The following EPHA4 variants were observed in gnomAD, a reference collection of about 807,000 sequenced individuals.
EPHA4 encodes EPH receptor A4, also known as ephrin type-A receptor 4.
A neutral mutation model predicts 108.3 loss-of-function variants in EPHA4; 19 were observed. The observed-to-expected ratio is 0.18, with a 90% CI of 0.12 to 0.26. EPHA4 has a LOEUF of 0.26. EPHA4 is among the 10% of genes least tolerant of loss of function. The pLI is 1.00. For synonymous variants in EPHA4, 449 were observed against 455.5 expected, an observed-to-expected ratio of 0.99 and a Z score of 0.18; for missense variants, 917 against 1,254.0, an observed-to-expected ratio of 0.73 and a Z score of 4.06.
intron 8 of EPHA4, among the ~76,000 whole-genome samples, chr2:221,448,222 A>T (rs990594645): frequency 7.1e-6 from 1 of 141,134 alleles, no homozygotes; most frequent in Non-Finnish European, 1.5e-5. Flanking sequence ...TTCCCTGTAG[A>T]TGAGGACATG....
At chr2:221,514,533 G>A (rs1692933760) in intron 3 of EPHA4, among the ~76,000 whole-genome samples, 1 of 152,180 alleles carries the variant, frequency 6.6e-6, no homozygotes, top group African/African-American at 2.4e-5. Context: ...GAAGCCAAAA[G>A]TGCTTGCAGG....
chr2:221,437,904 C>A (rs1156262041), intron 11 of EPHA4, among the ~76,000 whole-genome samples: 1 of 151,460 alleles, frequency 6.6e-6, no homozygotes, highest in African/African-American at 2.4e-5. Context: ...GCCTGGGGGG[C>A]GACGATACAG....
At chr2:221,469,111 G>A (rs1299702301) in intron 5 of EPHA4, among the ~76,000 whole-genome samples, 3 of 152,208 alleles carry the variant, frequency 2.0e-5, no homozygotes, top group South Asian at 4.1e-4. Context: ...ATGAAGTGAG[G>A]TATATTAATC....
intron 7 of EPHA4, among the ~76,000 whole-genome samples, chr2:221,456,038 T>C (rs1271957949): frequency 2.0e-5 from 3 of 152,320 alleles, no homozygotes; most frequent in South Asian, 4.1e-4. Flanking sequence ...TTGGGTTCAT[T>C]GATTACCGGG....
chr2:221,554,461 G>A (rs1181915714), intron 3 of EPHA4, among the ~76,000 whole-genome samples: 2 of 152,176 alleles, frequency 1.3e-5, no homozygotes, highest in East Asian at 3.8e-4. Context: ...AGAAGATAGT[G>A]CTGGTTTCAA....
At chr2:221,533,623 T>C (rs1030772372) in intron 3 of EPHA4, among the ~76,000 whole-genome samples, 9 of 151,188 alleles carry the variant, frequency 6.0e-5, no homozygotes, top group African/African-American at 2.2e-4. Context: ...TCTATGGAGT[T>C]TCAAAACATA....
intron 5 of EPHA4, among the ~76,000 whole-genome samples, chr2:221,476,803 G>A (rs1691665726): frequency 6.6e-6 from 1 of 152,082 alleles, no homozygotes; most frequent in African/African-American, 2.4e-5. Flanking sequence ...CTAATTAAAA[G>A]ATGGCAGAGA....
intron 7 of EPHA4, 39 bp from the exon 8 acceptor site, chr2:221,455,697 G>A: frequency 6.7e-7 from 1 of 1,501,268 alleles, no homozygotes; most frequent in Non-Finnish European, 9.2e-7. Flanking sequence ...CTTTGGGAAA[G>A]TCTTAGGAGG....
intron 3 of EPHA4, among the ~76,000 whole-genome samples, chr2:221,541,848 G>A (rs2710497): frequency 0.56 from 85,683 of 151,974 alleles, 24,873 homozygotes; most frequent in African/African-American, 0.7. Flanking sequence ...GCACCCAGAC[G>A]TTACCAAATG....
chr2:221,512,930 T>A (rs911679013), intron 3 of EPHA4, among the ~76,000 whole-genome samples: 26 of 152,180 alleles, frequency 1.7e-4, no homozygotes, highest in African/African-American at 6.0e-4. Flanking sequence ...GAGTGATCTC[T>A]GGCAGAGGTG....
intron 4 of EPHA4, among the ~76,000 whole-genome samples, chr2:221,494,942 C>A (rs1304869531): frequency 7.0e-6 from 1 of 143,862 alleles, no homozygotes; most frequent in African/African-American, 2.6e-5. Context: ...ATCCTGACAT[C>A]AGCTTTAATG....
At chr2:221,555,379 A>G (rs995853347) in intron 3 of EPHA4, among the ~76,000 whole-genome samples, 2 of 152,216 alleles carry the variant, frequency 1.3e-5, no homozygotes, top group African/African-American at 4.8e-5. Context: ...GCTGTTTTGC[A>G]TGAGGACGAA....
At chr2:221,449,060 T>A (rs1690686330) in intron 8 of EPHA4, among the ~76,000 whole-genome samples, 1 of 152,216 alleles carries the variant, frequency 6.6e-6, no homozygotes, top group South Asian at 2.1e-4. Context: ...GGTGTGTTTT[T>A]AAATGAGATT....
chr2:221,457,833 A>G (rs557557907), intron 6 of EPHA4, 33 bp downstream of exon 6: 121 of 1,600,678 alleles, frequency 7.6e-5, no homozygotes, highest in Admixed American at 1.0e-4. Flanking sequence ...AGGAAGGAAG[A>G]AAGGAAAGGA....
chr2:221,532,701 C>G (rs1041027581), intron 3 of EPHA4: 4 of 152,214 alleles, frequency 2.6e-5, no homozygotes, highest in Admixed American at 6.5e-5. Context: ...CATTCTGCCA[C>G]CTGGGCACCT....
At position 221,418,911 on chromosome 2, in the gene EPHA4, T is replaced by G. The variant is rs1014556889; in HGVS notation, c.*2461A>C. 2 of 152,578 alleles carry G rather than the reference T, an allele frequency of 1.3e-5. No homozygotes were observed. 9.5% of individuals were successfully genotyped at this position (152,578 alleles called of 1,614,324 possible). On this transcript the variant is annotated 3_prime_UTR_variant, in exon 18 of 18. Coordinates refer to ENST00000281821, the MANE Select transcript of EPHA4 (RefSeq NM_004438.5). ...ATGCATAGGCACATCCCTTAAAAAA[T>G]ATATTAAGGTCCCCAAAAAGGGGTG...
intron 4 of EPHA4, among the ~76,000 whole-genome samples, chr2:221,488,828 T>A (rs577508840): frequency 6.6e-6 from 1 of 152,320 alleles, no homozygotes; most frequent in South Asian, 2.1e-4. Flanking sequence ...ATACTGTCAA[T>A]GTGACATTTA....
intron 7 of EPHA4, 117 bp downstream of exon 7, chr2:221,456,496 G>A: frequency 2.0e-6 from 2 of 1,007,536 alleles, no homozygotes; most frequent in Non-Finnish European, 2.9e-6. Flanking sequence ...ATTCATTGCA[G>A]CAAAATGTCT....
Position 221,504,195 on chromosome 2 carries a change from T to A in EPHA4, c.824-3023A>T, listed in dbSNP as rs143327055. Among the ~76,000 whole-genome samples, 31 of 152,340 alleles carry A rather than the reference T, an allele frequency of 2.0e-4. No homozygotes were observed. The East Asian group carries it at 6.0e-3, about 29-fold the overall frequency. On this transcript the variant is annotated intron_variant, in intron 3 of 17. Transcript: ENST00000281821. ...CCTATTTCCACCGAAGTTTCACTAG[T>A]TAATGAACCATCTGAATGGGTGTCT...
Sources: allele counts gnomAD v4.1 joint callset (sites outside exome capture counted in the v4.1 genomes callset), GRCh38; gene constraint gnomAD v4.1.1; transcripts MANE v1.5; gene names NCBI Gene and HGNC (gene_info 2026-07-23, HGNC 2026-07-21).